RAPGEF2: variants seen among roughly 807,000 people sequenced by gnomAD.
RAPGEF2 encodes the protein Rap guanine nucleotide exchange factor 2.
A neutral mutation model predicts 186.7 loss-of-function variants in RAPGEF2; 54 were observed. That is an observed-to-expected ratio of 0.29 (90% CI 0.23 to 0.36). The LOEUF (loss-of-function observed/expected upper bound fraction) is 0.36. Among genes scored for constraint, RAPGEF2 ranks in the 10% least tolerant of loss-of-function variants. The pLI is 1.00. For missense variants in RAPGEF2, 1,532 were observed against 2,045.0 expected (o/e 0.75, Z 4.84); for synonymous variants, 712 against 705.9 (o/e 1.01, Z -0.14).
intron 7 of RAPGEF2, among the ~76,000 whole-genome samples, 175 bp downstream of exon 7, chr4:159,243,966 C>T (rs1174810192): frequency 2.6e-5 from 4 of 151,884 alleles, no homozygotes; most frequent in Admixed American, 2.6e-4. Context: ...GCTGCTTGAT[C>T]TGTACAGACC....
chr4:159,245,010 A>G lies in RAPGEF2; in HGVS notation c.543+1219A>G, dbSNP rs146964041. On this transcript the variant is annotated intron_variant, in intron 7 of 29. Coordinates refer to ENST00000691494, the MANE Select transcript of RAPGEF2 (RefSeq NM_001394067.2). ...GTACACTTAAAATATATATAACATG[A>G]TATTTTAAAAGATAAATCAATATGT... 1.2e-3 allele frequency among the ~76,000 whole-genome samples: 184 copies of G among 152,174 alleles called. 1 individual carries two copies. Among genetic ancestry groups the G allele is most frequent in the African/African-American group, 4.3e-3 (179 of 41,588 alleles).
chr4:159,184,199 CAT>C (rs1234494177), intron 1 of RAPGEF2, among the ~76,000 whole-genome samples: 2 of 152,320 alleles, frequency 1.3e-5, no homozygotes, highest in East Asian at 1.9e-4. Flanking sequence ...CCGCAATAAA[CAT>C]ATGTGTGCAT....
In RAPGEF2 at chr4:159,104,216, C is replaced by T; in HGVS notation, c.54C>T (p.Pro18=). The T allele has an allele frequency of 7.5e-7, 1 of 1,326,424 alleles. No homozygotes were observed. Among genetic ancestry groups the T allele is most frequent in the Non-Finnish European group, 9.8e-7 (1 of 1,021,686 alleles). 82.2% of individuals were successfully genotyped at this position (1,326,424 alleles called of 1,614,324 possible). A position where few individuals can be genotyped will look rare whatever the true frequency, so the allele number is the denominator to read the frequency against. Residue 18 remains proline (P), a synonymous_variant, in exon 1 of 30, where the codon CCC becomes CCT. Coordinates refer to ENST00000691494, the MANE Select transcript of RAPGEF2 (RefSeq NM_001394067.2). The part of the protein sequence containing the change: ...SFRQAVMKNP[P]ERTPQDLEIV... ...GCCAGGCGGTGATGAAGAATCCCCCCGAAAGGACCCCCCAGGTGAGAACGC... is the reference window on the plus strand; with the variant it reads ...GCCAGGCGGTGATGAAGAATCCCCCTGAAAGGACCCCCCAGGTGAGAACGC...
rs142075551 is a variant in RAPGEF2 at position 159,244,096 on chromosome 4, TAAAA to T, written c.543+309_543+312del. 1.5e-3 allele frequency among the ~76,000 whole-genome samples: 227 copies of T among 151,926 alleles called. 2 individuals are homozygous for T. In the East Asian group the frequency reaches 0.042, roughly 28 times the overall value. ...GTCCTTCACTAACCTGCTTTGCAAA[TAAAA>T]AAATGAAGAGAGAAAGGCAGGCAGA... is the stretch of plus-strand genomic sequence containing the variant. On this transcript the variant is annotated intron_variant, in intron 7 of 29. Coordinates refer to ENST00000691494, the MANE Select transcript of RAPGEF2 (RefSeq NM_001394067.2).
At chr4:159,243,925 G>A in intron 7 of RAPGEF2, 134 bp downstream of exon 7, 2 of 596,602 alleles carry the variant, frequency 3.4e-6, no homozygotes, top group Non-Finnish European at 5.5e-6. Flanking sequence ...AATTTACTTT[G>A]AAATTATCAG....
chr4:159,113,223 T>G (rs1738685735), intron 1 of RAPGEF2, among the ~76,000 whole-genome samples: 1 of 152,168 alleles, frequency 6.6e-6, no homozygotes, highest in African/African-American at 2.4e-5. Flanking sequence ...CAAAAAAACA[T>G]TATTAGGATG....
At chr4:159,333,703 T>C (rs1767005134) in intron 17 of RAPGEF2, among the ~76,000 whole-genome samples, 1 of 152,256 alleles carries the variant, frequency 6.6e-6, no homozygotes, top group East Asian at 1.9e-4. Context: ...TTCTTGAGTC[T>C]AGGAATGTTT....
intron 29 of RAPGEF2, among the ~76,000 whole-genome samples, chr4:159,356,628 C>T (rs552060260): frequency 2.0e-5 from 3 of 152,244 alleles, no homozygotes; most frequent in East Asian, 1.9e-4. Flanking sequence ...AGGCCAGGTG[C>T]GATGGCTTAC....
intron 7 of RAPGEF2, among the ~76,000 whole-genome samples, chr4:159,254,954 C>A (rs977011362): frequency 1.3e-5 from 2 of 152,152 alleles, no homozygotes; most frequent in African/African-American, 4.8e-5. Context: ...TGTCAGTGAA[C>A]GACCACATAC....
chr4:159,228,891 A>G (rs1428786092), intron 4 of RAPGEF2, among the ~76,000 whole-genome samples: 1 of 152,188 alleles, frequency 6.6e-6, no homozygotes, highest in Non-Finnish European at 1.5e-5. Flanking sequence ...ATTTATTCTT[A>G]TATATGTTAC....
intron 1 of RAPGEF2, among the ~76,000 whole-genome samples, chr4:159,127,332 A>G (rs1222513982): frequency 6.6e-6 from 1 of 151,916 alleles, no homozygotes; most frequent in African/African-American, 2.4e-5. Context: ...TGGCCTATTT[A>G]TTTGTGTTTT....
chr4:159,147,859 A>G (rs1267331605), intron 1 of RAPGEF2, among the ~76,000 whole-genome samples: 2 of 152,228 alleles, frequency 1.3e-5, no homozygotes, highest in African/African-American at 4.8e-5. Context: ...ATTTACAGGT[A>G]GTTGAAAGGA....
chr4:159,200,299 C>T (rs1392050637), intron 3 of RAPGEF2, among the ~76,000 whole-genome samples: 1 of 151,954 alleles, frequency 6.6e-6, no homozygotes, highest in Non-Finnish European at 1.5e-5. Flanking sequence ...ACGACCCTAT[C>T]TCTAAAAAAA....
At chr4:159,215,538 A>C (rs1418374986) in intron 4 of RAPGEF2, among the ~76,000 whole-genome samples, 1 of 152,220 alleles carries the variant, frequency 6.6e-6, no homozygotes, top group Non-Finnish European at 1.5e-5. Context: ...TATGTTGGTC[A>C]CAGTCTTAAA....
In RAPGEF2 at chr4:159,345,315, C is replaced by T; in HGVS notation, c.3488C>T (p.Pro1163Leu). 1 of 1,614,022 alleles carries T rather than the reference C, an allele frequency of 6.2e-7. No individual in the cohort carries two copies. Among genetic ancestry groups the T allele is most frequent in the Non-Finnish European group, 8.5e-7 (1 of 1,179,990 alleles). ...SLQTLSLQCE[P>L]ATNTLPKNPG... ...CAGACATTATCTCTGCAGTGTGAGC[C>T]AGCAACCAACACATGTGAGTTTTTC... The change falls in exon 24 of 30, where the codon CCA becomes CTA. Residue 1163 changes from proline to leucine, a missense_variant. Pro to Leu is a moderately conservative substitution (Grantham distance 98). This residue lies in a region of RAPGEF2 where 117 missense variants were observed against 180.8 expected (regional missense o/e 0.65). Coordinates refer to ENST00000691494, the MANE Select transcript of RAPGEF2 (RefSeq NM_001394067.2).
At chr4:159,247,636 C>G (rs1260610073) in intron 7 of RAPGEF2, among the ~76,000 whole-genome samples, 1 of 151,176 alleles carries the variant, frequency 6.6e-6, no homozygotes, top group African/African-American at 2.4e-5. Flanking sequence ...AGTGGGACCA[C>G]AAGACCTGGT....
At chr4:159,200,060 C>CTATA (rs1554008945) in intron 3 of RAPGEF2, among the ~76,000 whole-genome samples, 4 of 151,294 alleles carry the variant, frequency 2.6e-5, no homozygotes, top group South Asian at 2.1e-4. Context: ...CTCTCTCTCT[C>CTATA]TATATATATA....
intron 3 of RAPGEF2, among the ~76,000 whole-genome samples, chr4:159,199,163 C>A (rs1749134938): frequency 2.0e-5 from 3 of 151,764 alleles, no homozygotes; most frequent in African/African-American, 7.3e-5. Flanking sequence ...CACGGGTGCT[C>A]AACCACCTCG....
chr4:159,355,704 C>T, intron 28 of RAPGEF2, 149 bp from the exon 29 acceptor site: 3 of 713,010 alleles, frequency 4.2e-6, no homozygotes, highest in African/African-American at 3.6e-5. Context: ...ATTCCCTGGC[C>T]TGCCTCACAC....
Sources: allele counts gnomAD v4.1 joint callset (sites outside exome capture counted in the v4.1 genomes callset), GRCh38; gene constraint gnomAD v4.1.1; regional missense constraint gnomAD v4.1.1; transcripts MANE v1.5; gene names NCBI Gene and HGNC (gene_info 2026-07-23, HGNC 2026-07-21).